The following RAB10 variants were observed in gnomAD, a reference collection of about 807,000 sequenced individuals.
RAB10 encodes ras-related protein Rab-10.
Under a neutral mutation model 25.7 loss-of-function variants are expected in RAB10, and 5 were observed. That is an observed-to-expected ratio of 0.19 (90% confidence interval 0.10 to 0.41). The LOEUF is 0.41. RAB10 is among the 10% of genes least tolerant of loss of function. The pLI is 1.00. For synonymous variants in RAB10, 89 were observed against 86.4 expected, an observed-to-expected ratio of 1.03 and a Z score of -0.16; for missense variants, 103 against 245.8, an observed-to-expected ratio of 0.42 and a Z score of 3.89.
intron 5 of RAB10, among the ~76,000 whole-genome samples, chr2:26,129,414 T>C (rs1381886636): frequency 6.6e-6 from 1 of 152,182 alleles, no homozygotes; most frequent in Non-Finnish European, 1.5e-5. Context: ...AACCAACCTA[T>C]ACATAAAAGG....
At chr2:26,118,306 A>G (rs992101290) in intron 3 of RAB10, among the ~76,000 whole-genome samples, 3 of 150,586 alleles carry the variant, frequency 2.0e-5, no homozygotes, top group Non-Finnish European at 4.4e-5. Context: ...TTTACAAAGT[A>G]ACGTCCCCTC....
At chr2:26,095,741 G>A (rs1207238318) in intron 1 of RAB10, among the ~76,000 whole-genome samples, 3 of 151,870 alleles carry the variant, frequency 2.0e-5, no homozygotes, top group African/African-American at 4.8e-5. Flanking sequence ...TTGGGACGTC[G>A]TTTCTACAAA....
intron 3 of RAB10, among the ~76,000 whole-genome samples, chr2:26,113,242 A>G (rs1372710774): frequency 6.6e-6 from 1 of 152,176 alleles, no homozygotes; most frequent in Non-Finnish European, 1.5e-5. Context: ...CAGTTCACAC[A>G]GAAAAAACAT....
At chr2:26,084,166 C>A (rs568752400) in intron 1 of RAB10, among the ~76,000 whole-genome samples, 2 of 152,318 alleles carry the variant, frequency 1.3e-5, no homozygotes, top group South Asian at 2.1e-4. Context: ...TGTTCCCTTA[C>A]CTTAAGGTCT....
intron 1 of RAB10, among the ~76,000 whole-genome samples, chr2:26,085,057 A>G (rs1042044176): frequency 2.0e-5 from 3 of 152,210 alleles, no homozygotes; most frequent in Admixed American, 6.5e-5. Flanking sequence ...AGAATTTTTC[A>G]GTATCAAGGA....
intron 1 of RAB10, 115 bp downstream of exon 1, chr2:26,034,850 C>A (rs1013038569): frequency 2.1e-6 from 3 of 1,414,310 alleles, no homozygotes; most frequent in Non-Finnish European, 2.9e-6. Flanking sequence ...CGATTCCAAA[C>A]GACACATCCA....
intron 1 of RAB10, among the ~76,000 whole-genome samples, chr2:26,077,147 A>G (rs928221199): frequency 2.6e-5 from 4 of 152,032 alleles, no homozygotes; most frequent in Non-Finnish European, 5.9e-5. Context: ...AATAATTCAG[A>G]CATGATTGTG....
intron 5 of RAB10, 34 bp downstream of exon 5, chr2:26,127,985 T>G (rs1263995131): frequency 6.9e-7 from 1 of 1,459,624 alleles, no homozygotes; most frequent in East Asian, 2.3e-5. Flanking sequence ...GCCAGGTACC[T>G]GAGTATCTCT....
intron 1 of RAB10, among the ~76,000 whole-genome samples, chr2:26,076,961 C>T (rs1428468297): frequency 6.9e-6 from 1 of 144,068 alleles, no homozygotes; most frequent in South Asian, 2.2e-4. Context: ...AAAAAAAAAA[C>T]AGAAAAGTGT....
intron 1 of RAB10, among the ~76,000 whole-genome samples, chr2:26,087,263 C>T (rs778223128): frequency 6.6e-6 from 1 of 152,070 alleles, no homozygotes; most frequent in African/African-American, 2.4e-5. Context: ...CTTGAACTCC[C>T]TGTTTTATAA....
At chr2:26,101,947 C>T (rs781755596) in intron 2 of RAB10, 1 of 152,244 alleles carries the variant, frequency 6.6e-6, no homozygotes, top group Non-Finnish European at 1.5e-5. Flanking sequence ...AGATTTCCTC[C>T]AGGAACTCGT....
chr2:26,049,300 G>A (rs1666082738), intron 1 of RAB10, among the ~76,000 whole-genome samples: 1 of 151,200 alleles, frequency 6.6e-6, no homozygotes, highest in South Asian at 2.1e-4. Context: ...AGATGATGTA[G>A]GAGTTCTCAA....
chr2:26,096,826 T>C (rs1453105012), intron 1 of RAB10, among the ~76,000 whole-genome samples: 1 of 152,232 alleles, frequency 6.6e-6, no homozygotes, highest in Non-Finnish European at 1.5e-5. Flanking sequence ...TTTTCTAATT[T>C]TCACTATAAT....
intron 1 of RAB10, among the ~76,000 whole-genome samples, chr2:26,085,331 A>C (rs1214629584): frequency 1.3e-5 from 2 of 151,808 alleles, no homozygotes; most frequent in Admixed American, 1.3e-4. Flanking sequence ...TCTACTAAAA[A>C]TAAAAAAAAT....
At chr2:26,084,086 T>C (rs1474441146) in intron 1 of RAB10, among the ~76,000 whole-genome samples, 1 of 152,180 alleles carries the variant, frequency 6.6e-6, no homozygotes, top group South Asian at 2.1e-4. Flanking sequence ...CCAAACATAT[T>C]TGCATGTCAA....
At chr2:26,113,177 GA>G (rs1430181599) in intron 3 of RAB10, among the ~76,000 whole-genome samples, 1 of 152,186 alleles carries the variant, frequency 6.6e-6, no homozygotes, top group Non-Finnish European at 1.5e-5. Context: ...GCAAGGGTCA[GA>G]ACCTGTCAAT....
chr2:26,119,662 C>T (rs2149287220), intron 3 of RAB10, among the ~76,000 whole-genome samples: 1 of 152,198 alleles, frequency 6.6e-6, no homozygotes, highest in Non-Finnish European at 1.5e-5. Context: ...CCTAGGACCA[C>T]AAGCGTGCTA....
chr2:26,071,435 C>A (rs982851203), intron 1 of RAB10, among the ~76,000 whole-genome samples: 36 of 152,164 alleles, frequency 2.4e-4, no homozygotes, highest in African/African-American at 8.4e-4. Flanking sequence ...CTCCTGTAAT[C>A]CCAACACTTT....
intron 1 of RAB10, among the ~76,000 whole-genome samples, chr2:26,098,013 C>T (rs534025892): frequency 1.2e-4 from 18 of 151,028 alleles, no homozygotes; most frequent in Admixed American, 5.3e-4. Context: ...CCTTTTTATT[C>T]GTATGTGTTA....
Sources: gnomAD v4.1 joint callset for allele counts (sites outside exome capture counted in the v4.1 genomes callset) on GRCh38, gnomAD v4.1.1 for gene constraint, MANE v1.5 for transcripts, NCBI Gene and HGNC (gene_info 2026-07-23, HGNC 2026-07-21) for gene names.